SPOCK3: variants seen among roughly 807,000 people sequenced by gnomAD.
SPOCK3 encodes SPARC (osteonectin), cwcv and kazal like domains proteoglycan 3, also known as testican-3.
In SPOCK3, 30 loss-of-function variants were observed where a neutral mutation model predicts 56.6. That is an observed-to-expected ratio of 0.53 (90% CI 0.40 to 0.72). The LOEUF is 0.72. Among genes scored for constraint, SPOCK3 ranks in the 30% least tolerant of loss-of-function variants. The pLI, the probability that SPOCK3 is intolerant of heterozygous loss-of-function variation, is 0.00. For synonymous variants in SPOCK3, 196 were observed against 183.3 expected, an observed-to-expected ratio of 1.07 and a Z score of -0.56; for missense variants, 527 against 530.0, an observed-to-expected ratio of 0.99 and a Z score of 0.06.
chr4:166,885,868 A>G (rs1429543380), intron 6 of SPOCK3, among the ~76,000 whole-genome samples: 2 of 152,156 alleles, frequency 1.3e-5, no homozygotes, highest in African/African-American at 4.8e-5. Context: ...GTTAATTAAA[A>G]TGATCTTTTG....
chr4:167,050,221 T>C (rs544941761), intron 3 of SPOCK3, among the ~76,000 whole-genome samples: 11 of 152,256 alleles, frequency 7.2e-5, no homozygotes, highest in African/African-American at 2.6e-4. Context: ...ACTGTTTTAA[T>C]AAGAACTCTT....
rs1461358036 is a variant in SPOCK3, at chr4:167,047,213, A to G, written c.235+15279T>C. Among the ~76,000 whole-genome samples, 3 of 152,224 alleles carry G rather than the reference A, an allele frequency of 2.0e-5. No homozygotes were observed. The South Asian group carries it at 6.2e-4, about 32-fold the overall frequency. On this transcript the variant is annotated intron_variant, in intron 3 of 10. Coordinates refer to ENST00000357545, the MANE Select transcript of SPOCK3 (RefSeq NM_001040159.2). ...GTAGAGCTTGAGTTTGATAGATGAC[A>G]TCTTGTCATAAATGTAACTGCTTGT... is the stretch of plus-strand genomic sequence containing the variant.
chr4:166,840,475 T>C (rs1289295536), intron 6 of SPOCK3, among the ~76,000 whole-genome samples: 3 of 152,230 alleles, frequency 2.0e-5, no homozygotes, highest in East Asian at 1.9e-4. Context: ...AAGGGTTTAG[T>C]TGGACTTTTC....
intron 2 of SPOCK3, among the ~76,000 whole-genome samples, chr4:167,108,238 C>G (rs1760344073): frequency 6.6e-6 from 1 of 151,884 alleles, no homozygotes; most frequent in Admixed American, 6.6e-5. Flanking sequence ...CTATGGAGAA[C>G]AGTTGGGAGG....
chr4:167,183,011 A>C (rs4859973), intron 2 of SPOCK3, among the ~76,000 whole-genome samples: 89,339 of 150,284 alleles, frequency 0.59, 26,410 homozygotes, highest in East Asian at 0.65. Flanking sequence ...TGTGTCCATT[A>C]TGAGCACAGA....
intron 5 of SPOCK3, among the ~76,000 whole-genome samples, chr4:166,892,338 T>G (rs1386088291): frequency 6.6e-6 from 1 of 151,922 alleles, no homozygotes; most frequent in Non-Finnish European, 1.5e-5. Flanking sequence ...TTTTTTTCTA[T>G]GCATTTCTAT....
intron 4 of SPOCK3, among the ~76,000 whole-genome samples, chr4:166,947,591 TA>T (rs570134546): frequency 5.9e-5 from 9 of 151,956 alleles, no homozygotes; most frequent in Middle Eastern, 3.2e-3. Flanking sequence ...ATTGGCAATT[TA>T]AAAAAAAGAA....
intron 2 of SPOCK3, among the ~76,000 whole-genome samples, chr4:167,139,329 AACT>A (rs1315724923): frequency 6.6e-5 from 10 of 152,026 alleles, no homozygotes; most frequent in Non-Finnish European, 1.5e-4. Flanking sequence ...TAAATTAATG[AACT>A]ACACTAGAAA....
chr4:166,754,056 G>C, intron 8 of SPOCK3: 1 of 937,178 alleles, frequency 1.1e-6, no homozygotes, highest in South Asian at 5.0e-5. Context: ...AATCACATGA[G>C]TAAAAATAAC....
At chr4:167,088,479 T>C (rs930229344) in intron 2 of SPOCK3, among the ~76,000 whole-genome samples, 184 of 149,676 alleles carry the variant, frequency 1.2e-3, no homozygotes, top group African/African-American at 4.4e-3. Flanking sequence ...TTTTTTTTTT[T>C]TTTTGAGATG....
intron 6 of SPOCK3, among the ~76,000 whole-genome samples, chr4:166,879,147 A>G (rs1285711110): frequency 1.3e-5 from 2 of 151,918 alleles, no homozygotes; most frequent in African/African-American, 4.8e-5. Context: ...AGGCAGAAAG[A>G]CTATCTGGCA....
intron 2 of SPOCK3, among the ~76,000 whole-genome samples, chr4:167,191,733 G>A (rs1170614192): frequency 2.1e-5 from 3 of 144,960 alleles, no homozygotes; most frequent in Non-Finnish European, 4.5e-5. Context: ...TGCAAACAAG[G>A]ACAATTTAAA....
intron 6 of SPOCK3, among the ~76,000 whole-genome samples, chr4:166,814,434 TC>T (rs1281337610): frequency 6.6e-6 from 1 of 152,028 alleles, no homozygotes; most frequent in Non-Finnish European, 1.5e-5. Flanking sequence ...AGACCCACCC[TC>T]ATTAGGTGGG....
rs550648065 is a variant in SPOCK3, at chr4:167,181,071, T to C, written c.189+52914A>G. Among the ~76,000 whole-genome samples, 9 of 152,250 alleles carry C rather than the reference T, an allele frequency of 5.9e-5. 1 individual carries two copies. Among genetic ancestry groups the C allele is most frequent in the African/African-American group, 2.2e-4 (9 of 41,546 alleles). On this transcript the variant is annotated intron_variant, in intron 2 of 10. Transcript: ENST00000357545. The stretch of plus-strand genomic sequence containing the variant: ...CACTGCTTTACATATAACCTATAGG[T>C]TAATGACTTCCAAATGTATACCTCT...
At chr4:166,988,044 A>G (rs1480456734) in intron 4 of SPOCK3, among the ~76,000 whole-genome samples, 1 of 152,164 alleles carries the variant, frequency 6.6e-6, no homozygotes, top group Non-Finnish European at 1.5e-5. Context: ...TATGCTAAGC[A>G]ATAAGCTAAC....
intron 2 of SPOCK3, among the ~76,000 whole-genome samples, chr4:167,223,540 A>G (rs1736280879): frequency 6.6e-6 from 1 of 151,932 alleles, no homozygotes; most frequent in Non-Finnish European, 1.5e-5. Flanking sequence ...CCAAAATTCT[A>G]CTACTGGAGA....
chr4:166,831,748 C>T (rs1746084513), intron 6 of SPOCK3, among the ~76,000 whole-genome samples: 2 of 123,902 alleles, frequency 1.6e-5, no homozygotes, highest in African/African-American at 5.6e-5. Flanking sequence ...CATCAATGTT[C>T]TCCATTTTTG....
At chr4:167,141,917 T>C (rs1016424509) in intron 2 of SPOCK3, among the ~76,000 whole-genome samples, 3 of 151,936 alleles carry the variant, frequency 2.0e-5, no homozygotes, top group Non-Finnish European at 4.4e-5. Context: ...AATCTAACTG[T>C]CTTTCAGCAA....
At chr4:166,940,666 A>G (rs186264233) in intron 4 of SPOCK3, among the ~76,000 whole-genome samples, 41 of 151,218 alleles carry the variant, frequency 2.7e-4, no homozygotes, top group Non-Finnish European at 3.0e-5. Flanking sequence ...AAATATGAAC[A>G]AGCTTGTACA....
Sources: allele counts gnomAD v4.1 joint callset (sites outside exome capture counted in the v4.1 genomes callset), GRCh38; gene constraint gnomAD v4.1.1; transcripts MANE v1.5; gene names NCBI Gene and HGNC (gene_info 2026-07-23, HGNC 2026-07-21).